COL4A2: variants seen among roughly 807,000 people sequenced by gnomAD.
COL4A2 encodes collagen alpha-2(IV) chain.
Under a neutral mutation model 200.2 loss-of-function variants are expected in COL4A2, and 99 were observed. The ratio of observed to expected loss-of-function variants is 0.49; its 90% confidence interval spans 0.42 to 0.58. COL4A2 has a LOEUF of 0.58. Ranked by LOEUF, COL4A2 falls within the 20% of genes least tolerant of loss-of-function variation. The pLI, the probability that COL4A2 is intolerant of heterozygous loss-of-function variation, is 0.00. For synonymous variants in COL4A2, 897 were observed against 900.6 expected (o/e 1.00, Z 0.07); for missense variants, 1,950 against 2,314.1 (o/e 0.84, Z 3.23).
intron 3 of COL4A2, among the ~76,000 whole-genome samples, chr13:110,311,389 A>G (rs1299228018): frequency 1.3e-5 from 2 of 152,188 alleles, no homozygotes; most frequent in South Asian, 2.1e-4. Context: ...GCAGTGTGAC[A>G]CAGGGGTCCC....
At chr13:110,405,489 C>G (rs1360466685) in intron 4 of COL4A2, among the ~76,000 whole-genome samples, 1 of 150,774 alleles carries the variant, frequency 6.6e-6, no homozygotes, top group East Asian at 2.0e-4. Context: ...CCAGACCCGT[C>G]TTCTCCATCA....
At chr13:110,436,908 C>T (rs1880908113) in intron 13 of COL4A2, among the ~76,000 whole-genome samples, 1 of 126,870 alleles carries the variant, frequency 7.9e-6, no homozygotes, top group South Asian at 2.3e-4. Context: ...GCCACCCACC[C>T]ACTCGGAGGT....
intron 40 of COL4A2, among the ~76,000 whole-genome samples, chr13:110,500,876 G>T (rs1052489670): frequency 2.0e-5 from 3 of 152,206 alleles, no homozygotes; most frequent in Non-Finnish European, 4.4e-5. Flanking sequence ...CAGCCTTCTT[G>T]CACTTACCAA....
chr13:110,385,919 ATGGGCCGTGGT>A lies in COL4A2; in HGVS notation c.180+28369_180+28379del, dbSNP rs1316266317. Reference sequence around the variant, plus strand: ...GATAGGCCGTGGTTACAGCGTGTGGATGGGCCGTGGTTACAGCGTGTGGATGGGCCGTGGTC... The same window carrying A: ...GATAGGCCGTGGTTACAGCGTGTGGATACAGCGTGTGGATGGGCCGTGGTC... On this transcript the variant is annotated intron_variant, in intron 4 of 47. Coordinates refer to ENST00000360467, the MANE Select transcript of COL4A2 (RefSeq NM_001846.4). 3.7e-5 allele frequency among the ~76,000 whole-genome samples: 5 copies of A among 134,314 alleles called. 1 individual carries two copies. Among genetic ancestry groups the A allele is most frequent in the Admixed American group, 2.3e-4 (3 of 13,246 alleles). The allele number at this position is 134,314 out of a possible 152,430, so 88.1% of individuals were successfully genotyped here. A position where few individuals can be genotyped will look rare whatever the true frequency, so the allele number is the denominator to read the frequency against.
intron 41 of COL4A2, 120 bp from the exon 42 acceptor site, chr13:110,503,001 T>G: frequency 1.1e-6 from 1 of 895,696 alleles, no homozygotes; most frequent in Non-Finnish European, 1.8e-6. Flanking sequence ...ATAGACAAAG[T>G]CATTCCATGC....
At position 110,445,864 on chromosome 13, in the gene COL4A2, T is replaced by G. The variant is rs760806699; in HGVS notation, c.993T>G (p.Asp331Glu). Residue 331 changes from aspartate to glutamate, a missense_variant, in exon 17 of 48, where the codon GAT (aspartate) becomes GAG (glutamate). Physicochemically the swap from Asp to Glu is conservative, Grantham distance 45. This residue lies in a region of COL4A2 where 565 missense variants were observed against 593.5 expected (regional missense o/e 0.95). Coordinates refer to ENST00000360467, the MANE Select transcript of COL4A2 (RefSeq NM_001846.4). ...SRGLDGYQGP[D>E]GPRGPKGEAG... Reference sequence around the variant, plus strand: ...GCCTGGATGGCTATCAAGGGCCTGATGGACCCCGGGGACCCAAGGTGAGCC... The same window carrying G: ...GCCTGGATGGCTATCAAGGGCCTGAGGGACCCCGGGGACCCAAGGTGAGCC... 6.2e-7 allele frequency: 1 copy of G among 1,614,210 alleles called. No individual in the cohort carries two copies. Among genetic ancestry groups the G allele is most frequent in the South Asian group, 1.1e-5 (1 of 91,086 alleles).
chr13:110,392,155 G>A lies in COL4A2; in HGVS notation c.181-32579G>A, dbSNP rs955413492. Among the ~76,000 whole-genome samples, 3 of 152,118 alleles carry A rather than the reference G, an allele frequency of 2.0e-5. 1 individual carries two copies. The highest frequency in any genetic ancestry group is 4.2e-4 in the South Asian group (2 of 4,816). ...GAAATACTGAAATACTGAAAGTCAC[G>A]GTTGAATATGGTGAGAACTTAAGAG... On this transcript the variant is annotated intron_variant, in intron 4 of 47. Coordinates refer to ENST00000360467, the MANE Select transcript of COL4A2 (RefSeq NM_001846.4).
intron 4 of COL4A2, among the ~76,000 whole-genome samples, chr13:110,422,181 C>T (rs1032226495): frequency 6.6e-6 from 1 of 152,140 alleles, no homozygotes; most frequent in Non-Finnish European, 1.5e-5. Context: ...GTGAGGGGAG[C>T]GTAGAGCTTC....
chr13:110,504,666 C>T (rs961377331), intron 45 of COL4A2, among the ~76,000 whole-genome samples: 9 of 152,250 alleles, frequency 5.9e-5, no homozygotes, highest in South Asian at 2.1e-4. Flanking sequence ...AGTGCAGTGG[C>T]GCAATCTCAG....
chr13:110,411,038 C>T (rs1251892228), intron 4 of COL4A2, among the ~76,000 whole-genome samples: 4 of 152,322 alleles, frequency 2.6e-5, no homozygotes, highest in Non-Finnish European at 5.9e-5. Context: ...CCCTCACTCA[C>T]GGCCTGTGGG....
chr13:110,442,829 C>G (rs1200126254), intron 16 of COL4A2, among the ~76,000 whole-genome samples: 1 of 151,944 alleles, frequency 6.6e-6, no homozygotes, highest in African/African-American at 2.4e-5. Flanking sequence ...TGAAATAACT[C>G]CACAGAGTTA....
intron 36 of COL4A2, 28 bp from the exon 37 acceptor site, chr13:110,491,205 G>T: frequency 6.5e-7 from 1 of 1,532,072 alleles, no homozygotes; most frequent in Non-Finnish European, 8.9e-7. Flanking sequence ...GTGTCTGTTT[G>T]TTCCAAGCAG....
chr13:110,368,854 G>A (rs1402141586), intron 4 of COL4A2, among the ~76,000 whole-genome samples: 3 of 144,630 alleles, frequency 2.1e-5, no homozygotes, highest in African/African-American at 7.6e-5. Context: ...GAAAAGGGGG[G>A]GGGGGGGTTG....
chr13:110,502,404 A>C (rs1461621334), intron 41 of COL4A2, among the ~76,000 whole-genome samples: 1 of 152,162 alleles, frequency 6.6e-6, no homozygotes, highest in Non-Finnish European at 1.5e-5. Context: ...AGCTCGCTGC[A>C]ATCTCCGCCT....
intron 20 of COL4A2, among the ~76,000 whole-genome samples, chr13:110,455,238 C>T (rs772942736): frequency 1.3e-5 from 2 of 152,146 alleles, no homozygotes; most frequent in Non-Finnish European, 2.9e-5. Flanking sequence ...AAGCCAAGTC[C>T]GGTTTCTTCC....
intron 4 of COL4A2, among the ~76,000 whole-genome samples, chr13:110,388,441 C>A (rs1878853175): frequency 6.6e-6 from 1 of 152,184 alleles, no homozygotes; most frequent in Non-Finnish European, 1.5e-5. Context: ...TATTTTTACT[C>A]GTTGAACGAA....
chr13:110,372,291 C>CT (rs1432546237), intron 4 of COL4A2, among the ~76,000 whole-genome samples: 3 of 152,258 alleles, frequency 2.0e-5, no homozygotes, highest in African/African-American at 4.8e-5. Flanking sequence ...CTTCAACAGA[C>CT]TTTTTTGTTT....
At chr13:110,467,169 C>G (rs1594089925) in intron 27 of COL4A2, 73 bp downstream of exon 27, 2 of 1,587,968 alleles carry the variant, frequency 1.3e-6, no homozygotes, top group Non-Finnish European at 1.7e-6. Flanking sequence ...TCTCCCCCGC[C>G]CATCTTTCCT....
intron 4 of COL4A2, among the ~76,000 whole-genome samples, chr13:110,422,681 G>C (rs894587011): frequency 5.3e-5 from 8 of 152,186 alleles, no homozygotes; most frequent in African/African-American, 1.9e-4. Context: ...GGGGTCCCAA[G>C]ATTCGGGATA....
Sources: allele counts gnomAD v4.1 joint callset (sites outside exome capture counted in the v4.1 genomes callset), GRCh38; gene constraint gnomAD v4.1.1; regional missense constraint gnomAD v4.1.1; transcripts MANE v1.5; gene names NCBI Gene and HGNC (gene_info 2026-07-23, HGNC 2026-07-21).